The following PUM2 variants were observed in gnomAD, a reference collection of about 807,000 sequenced individuals.
PUM2 encodes pumilio RNA binding family member 2.
PUM2 carries 57 observed loss-of-function variants against 124.5 expected under a neutral mutation model. The observed-to-expected ratio is 0.46, with a 90% CI of 0.37 to 0.57. PUM2 has a LOEUF of 0.57. Ranked by LOEUF, PUM2 falls within the 20% of genes least tolerant of loss-of-function variation. The probability of loss-of-function intolerance (pLI) is 0.00; values close to 1 mark genes in which losing one functional copy is unlikely to be tolerated. For missense variants in PUM2, 1,065 were observed against 1,290.6 expected (o/e 0.83, Z 2.68); for synonymous variants, 460 against 446.1 (o/e 1.03, Z -0.39).
chr2:20,321,991 A>T (rs192593116), intron 2 of PUM2, among the ~76,000 whole-genome samples: 6 of 152,218 alleles, frequency 3.9e-5, no homozygotes, highest in Non-Finnish European at 8.8e-5. Flanking sequence ...AAAAAAAAAA[A>T]TAAAATAAAC....
At chr2:20,309,661 T>C (rs1010816553) in intron 5 of PUM2, among the ~76,000 whole-genome samples, 2 of 152,306 alleles carry the variant, frequency 1.3e-5, no homozygotes, top group South Asian at 4.1e-4. Flanking sequence ...AGAGTAACTA[T>C]GCATTCACAG....
chr2:20,340,425 G>A (rs1687003083), intron 1 of PUM2, among the ~76,000 whole-genome samples: 1 of 152,206 alleles, frequency 6.6e-6, no homozygotes, highest in South Asian at 2.1e-4. Context: ...CCTGATAACT[G>A]ATTCCCAGAA....
chr2:20,279,741 G>A (rs775400554), intron 12 of PUM2, among the ~76,000 whole-genome samples: 6 of 152,138 alleles, frequency 3.9e-5, no homozygotes, highest in African/African-American at 7.2e-5. Context: ...ATGCTCAGAA[G>A]AGCTAATCAA....
intron 9 of PUM2, among the ~76,000 whole-genome samples, chr2:20,293,696 A>T (rs1674787547): frequency 6.6e-6 from 1 of 152,190 alleles, no homozygotes; most frequent in Admixed American, 6.5e-5. Flanking sequence ...TGACAGAGTA[A>T]GACTGCTAAA....
At chr2:20,252,578 T>C (rs1386330869) in intron 20 of PUM2, among the ~76,000 whole-genome samples, 1 of 152,186 alleles carries the variant, frequency 6.6e-6, no homozygotes, top group South Asian at 2.1e-4. Context: ...TTCATTAAGA[T>C]CAAGAGTATT....
chr2:20,265,205 T>C (rs72785297), intron 13 of PUM2, among the ~76,000 whole-genome samples: 43,153 of 150,666 alleles, frequency 0.29, 6,484 homozygotes, highest in Middle Eastern at 0.35. Context: ...TGAGCAGAGA[T>C]TGCACCACCG....
In PUM2 at chr2:20,254,911, G is replaced by T; in HGVS notation, c.2822C>A (p.Ser941Tyr). Residue 941 changes from serine (S) to tyrosine (Y), a missense_variant, in exon 19 of 21, where the codon TCC becomes TAC. Ser to Tyr is a moderately radical substitution (Grantham distance 144). Around this residue, in one of 3 missense-constraint regions of PUM2, gnomAD observed 968 missense variants for 1,159.8 expected, o/e 0.83. Coordinates refer to ENST00000361078, the MANE Select transcript of PUM2 (RefSeq NM_015317.5). Reference protein sequence around the residue: ...GRPEDKSKIVSEIRGKVLALS... With the variant: ...GRPEDKSKIVYEIRGKVLALS... ...GGCTAAAACCTTTCCCCTGATTTCGGAAACAATTTTGCTCTTGTCTTCAGG... is the reference window on the plus strand; with the variant it reads ...GGCTAAAACCTTTCCCCTGATTTCGTAAACAATTTTGCTCTTGTCTTCAGG... 1 of 1,613,964 alleles carries T rather than the reference G, an allele frequency of 6.2e-7. No individual in the cohort carries two copies. Among genetic ancestry groups the T allele is most frequent in the African/African-American group, 1.3e-5 (1 of 75,028 alleles).
At chr2:20,254,296 G>C (rs1191324433) in intron 19 of PUM2, among the ~76,000 whole-genome samples, 2 of 151,994 alleles carry the variant, frequency 1.3e-5, no homozygotes, top group Admixed American at 6.6e-5. Flanking sequence ...CCATAGCTGA[G>C]ACTACAGGCA....
intron 2 of PUM2, chr2:20,326,507 T>C (rs1572944443): frequency 2.3e-6 from 2 of 876,894 alleles, no homozygotes; most frequent in East Asian, 6.3e-5. Context: ...TTATCTTCTA[T>C]TATCAAAGTC....
intron 7 of PUM2, among the ~76,000 whole-genome samples, chr2:20,301,633 C>T (rs1676998066): frequency 6.6e-6 from 1 of 152,054 alleles, no homozygotes; most frequent in Admixed American, 6.6e-5. Context: ...GTTGCCCAGG[C>T]TTGGGGTGCA....
intron 14 of PUM2, 92 bp from the exon 15 acceptor site, chr2:20,260,558 T>A (rs1371868551): frequency 8.9e-7 from 1 of 1,127,616 alleles, no homozygotes; most frequent in Non-Finnish European, 1.2e-6. Context: ...CTGCAAGTTA[T>A]TTCCATAAAT....
chr2:20,346,288 G>A (rs535714147), intron 1 of PUM2, among the ~76,000 whole-genome samples: 1 of 152,276 alleles, frequency 6.6e-6, no homozygotes, highest in South Asian at 2.1e-4. Context: ...CTACCGATAA[G>A]CTACTATGGA....
rs771805192 is a variant in PUM2 at position 20,318,585 on chromosome 2, T to G, written c.112A>C (p.Ile38Leu). The G allele has an allele frequency of 1.2e-6, 2 of 1,613,716 alleles. No individual in the cohort carries two copies. Among genetic ancestry groups the G allele is most frequent in the African/African-American group, 2.7e-5 (2 of 74,944 alleles). ...DDSTKDGQKG[I>L]FLGDDEWRET... ...CTCCATTCATCATCCCCAAGAAATA[T>G]GCCTTTTTGTCCATCTTTTGTTGAA... is the stretch of plus-strand genomic sequence containing the variant. The change falls in exon 3 of 21, where the codon ATA becomes CTA. Residue 38 changes from isoleucine (I) to leucine (L), a missense_variant. By Grantham distance (5) the Ile-to-Leu change is conservative. Transcript: ENST00000361078.
At chr2:20,297,000 TG>T (rs1675766872) in intron 8 of PUM2, among the ~76,000 whole-genome samples, 1 of 152,190 alleles carries the variant, frequency 6.6e-6, no homozygotes, top group South Asian at 2.1e-4. Context: ...TGGCCAGCTT[TG>T]GCTTTTATTT....
Position 20,263,584 on chromosome 2 carries a change from G to A in PUM2, c.1958-124C>T, listed in dbSNP as rs946901835. 9 of 1,175,872 alleles carry A rather than the reference G, an allele frequency of 7.7e-6. No individual in the cohort carries two copies. In the African/African-American group the frequency reaches 1.2e-4, roughly 16 times the overall value. The allele number at this position is 1,175,872 out of a possible 1,614,324, so 72.8% of individuals were successfully genotyped here. On this transcript the variant is annotated intron_variant, in intron 13 of 20. Transcript: ENST00000361078. ...CCCCCCACTAATTCCTACTTGTTATGACAGAAAATTAAAATTGGGAGGGGA... is the reference window on the plus strand; with the variant it reads ...CCCCCCACTAATTCCTACTTGTTATAACAGAAAATTAAAATTGGGAGGGGA...
chr2:20,340,710 T>C (rs1485800032), intron 1 of PUM2, among the ~76,000 whole-genome samples: 1 of 152,172 alleles, frequency 6.6e-6, no homozygotes, highest in Non-Finnish European at 1.5e-5. Context: ...CACTCATACA[T>C]CACCATATGG....
chr2:20,263,270 G>A lies in PUM2; in HGVS notation c.2148C>T (p.Asn716=). Residue 716 remains asparagine, a synonymous_variant, in exon 14 of 21, where the codon AAC becomes AAT. Coordinates refer to ENST00000361078, the MANE Select transcript of PUM2 (RefSeq NM_015317.5). ...TAAGCTGAAGGTTTGGGAAGCGGTT[G>A]TTTCTGAAATCTTCCAATAATCTAC... ...GRSRLLEDFR[N]NRFPNLQLRD... The A allele has an allele frequency of 6.2e-7, 1 of 1,612,200 alleles. No homozygotes were observed. The highest frequency in any genetic ancestry group is 1.1e-5 in the South Asian group (1 of 91,034).
At chr2:20,342,838 A>C (rs538821154) in intron 1 of PUM2, among the ~76,000 whole-genome samples, 1 of 152,360 alleles carries the variant, frequency 6.6e-6, no homozygotes, top group African/African-American at 2.4e-5. Flanking sequence ...TGACCAAGCC[A>C]ATTTCCTAAA....
rs557584310 is a variant in PUM2 at position 20,252,373 on chromosome 2, T to C, written c.3064-657A>G. On this transcript the variant is annotated intron_variant, in intron 20 of 20. Transcript: ENST00000361078. ...CTAGAGTTAGCCGAGATTACACCACTGCACTCCAGCCTGTGCAACAGAGAC... is the reference window on the plus strand; with the variant it reads ...CTAGAGTTAGCCGAGATTACACCACCGCACTCCAGCCTGTGCAACAGAGAC... 1.6e-3 allele frequency among the ~76,000 whole-genome samples: 247 copies of C among 152,298 alleles called. 1 individual carries two copies. Among genetic ancestry groups the C allele is most frequent in the African/African-American group, 5.8e-3 (242 of 41,566 alleles).
Sources: gnomAD v4.1 joint callset for allele counts (sites outside exome capture counted in the v4.1 genomes callset) on GRCh38, gnomAD v4.1.1 for gene constraint, gnomAD v4.1.1 regional missense constraint, MANE v1.5 for transcripts, NCBI Gene and HGNC (gene_info 2026-07-23, HGNC 2026-07-21) for gene names.